The following DPP10 variants were observed in gnomAD, a reference collection of about 807,000 sequenced individuals.
The protein encoded by DPP10 is dipeptidyl peptidase like 10.
Under a neutral mutation model 120.9 loss-of-function variants are expected in DPP10, and 33 were observed. That is an observed-to-expected ratio of 0.27 (90% CI 0.21 to 0.37). DPP10 has a LOEUF of 0.37. Ranked by LOEUF, DPP10 falls within the 10% of genes least tolerant of loss-of-function variation. The pLI, the probability that DPP10 is intolerant of heterozygous loss-of-function variation, is 1.00. For missense variants in DPP10, 816 were observed against 942.8 expected (o/e 0.87, Z 1.76); for synonymous variants, 337 against 326.1 (o/e 1.03, Z -0.36).
At chr2:114,721,233 C>A (rs1476290133) in intron 1 of DPP10, among the ~76,000 whole-genome samples, 1 of 152,178 alleles carries the variant, frequency 6.6e-6, no homozygotes, top group Non-Finnish European at 1.5e-5. Flanking sequence ...CTGATGCCTG[C>A]CCTACTTACT....
intron 1 of DPP10, among the ~76,000 whole-genome samples, chr2:114,579,194 G>A (rs191098712): frequency 2.6e-5 from 4 of 152,288 alleles, no homozygotes; most frequent in Non-Finnish European, 5.9e-5. Flanking sequence ...ACTGGTTTCC[G>A]ATATGCAGTA....
chr2:115,460,061 T>C (rs2073898670), intron 3 of DPP10, among the ~76,000 whole-genome samples: 1 of 151,802 alleles, frequency 6.6e-6, no homozygotes, highest in Admixed American at 6.6e-5. Flanking sequence ...TCTCAGAACA[T>C]TGTAATAAAT....
intron 1 of DPP10, among the ~76,000 whole-genome samples, chr2:114,659,919 C>A (rs569290449): frequency 6.6e-6 from 1 of 152,294 alleles, no homozygotes; most frequent in African/African-American, 2.4e-5. Flanking sequence ...TGCCAGCAAC[C>A]ACCTGAAGCC....
chr2:114,672,834 ACT>A (rs1351153136), intron 1 of DPP10, among the ~76,000 whole-genome samples: 2 of 152,090 alleles, frequency 1.3e-5, no homozygotes, highest in African/African-American at 4.8e-5. Context: ...ACCAGTTCAC[ACT>A]CTCACGAGAG....
intron 1 of DPP10, among the ~76,000 whole-genome samples, chr2:114,453,384 C>T (rs1369705191): frequency 1.3e-5 from 2 of 152,092 alleles, no homozygotes; most frequent in Non-Finnish European, 2.9e-5. Flanking sequence ...AATCAATTTT[C>T]ATTGTGTTTT....
intron 1 of DPP10, among the ~76,000 whole-genome samples, chr2:115,298,863 C>T (rs2061001294): frequency 6.6e-6 from 1 of 152,010 alleles, no homozygotes; most frequent in Admixed American, 6.6e-5. Flanking sequence ...ACAGAAGTAA[C>T]CTACTAAGAA....
At chr2:114,792,698 C>A (rs1683356526) in intron 1 of DPP10, among the ~76,000 whole-genome samples, 1 of 152,144 alleles carries the variant, frequency 6.6e-6, no homozygotes, top group Non-Finnish European at 1.5e-5. Flanking sequence ...GCAGGGGTGC[C>A]TATGTGACCA....
At chr2:114,581,173 C>CTTTTT (rs70937291) in intron 1 of DPP10, among the ~76,000 whole-genome samples, 1 of 77,892 alleles carries the variant, frequency 1.3e-5, no homozygotes, top group African/African-American at 5.1e-5. Context: ...TTTTTCTTCT[C>CTTTTT]TTTTTTTTTT....
At chr2:114,818,077 G>A (rs1190688296) in intron 1 of DPP10, among the ~76,000 whole-genome samples, 4 of 152,034 alleles carry the variant, frequency 2.6e-5, no homozygotes, top group African/African-American at 9.7e-5. Flanking sequence ...AAACCATAGA[G>A]TAAAATTCAT....
chr2:115,222,959 A>C (rs953446173), intron 1 of DPP10, among the ~76,000 whole-genome samples: 1 of 152,158 alleles, frequency 6.6e-6, no homozygotes, highest in Non-Finnish European at 1.5e-5. Flanking sequence ...TTGGATAATC[A>C]ATGTAATGAA....
At chr2:115,130,761 T>C (rs1469734806) in intron 1 of DPP10, among the ~76,000 whole-genome samples, 1 of 152,154 alleles carries the variant, frequency 6.6e-6, no homozygotes, top group Non-Finnish European at 1.5e-5. Flanking sequence ...TCTATATTCC[T>C]TAGCTGGGCT....
At chr2:115,454,505 G>GA (rs1207118201) in intron 3 of DPP10, among the ~76,000 whole-genome samples, 1 of 151,184 alleles carries the variant, frequency 6.6e-6, no homozygotes, top group Non-Finnish European at 1.5e-5. Flanking sequence ...TCAATATACA[G>GA]AAAAAAATTG....
chr2:115,364,855 T>C (rs900604793), intron 3 of DPP10, among the ~76,000 whole-genome samples: 16 of 152,068 alleles, frequency 1.1e-4, no homozygotes, highest in African/African-American at 3.1e-4. Flanking sequence ...GACACAATTG[T>C]GAAGGTATAC....
chr2:114,700,928 A>G (rs1700349507), intron 1 of DPP10, among the ~76,000 whole-genome samples: 1 of 152,086 alleles, frequency 6.6e-6, no homozygotes, highest in South Asian at 2.1e-4. Flanking sequence ...GCTGTTGTTC[A>G]GTGAACACAC....
rs75891970 is a variant in DPP10, at chr2:114,885,104, T to C, written c.61-424135T>C. On this transcript the variant is annotated intron_variant, in intron 1 of 25. Coordinates refer to ENST00000410059, the MANE Select transcript of DPP10 (RefSeq NM_020868.6). ...CTCCAAAGAAATACTTGAGACCGGG[T>C]AATTTATAAGGAGAAGAGGTTTAAT... is the stretch of plus-strand genomic sequence containing the variant. 8.4e-3 allele frequency among the ~76,000 whole-genome samples: 1,281 copies of C among 152,252 alleles called. 20 individuals carry two copies. Among genetic ancestry groups the C allele is most frequent in the African/African-American group, 0.029 (1,224 of 41,530 alleles).
chr2:115,380,843 T>C (rs2066273719), intron 3 of DPP10, among the ~76,000 whole-genome samples: 1 of 152,194 alleles, frequency 6.6e-6, no homozygotes, highest in African/African-American at 2.4e-5. Flanking sequence ...AAATTCTGGG[T>C]TGAAAATTCT....
At position 115,364,323 on chromosome 2, in the gene DPP10, C is replaced by T. The variant is rs1183847999; in HGVS notation, c.271+20411C>T. ...CTTATTGTGTAAAGATCCTGTAACT[C>T]GCTAAATTAGCTTAAAAAGCTCTGG... On this transcript the variant is annotated intron_variant, in intron 3 of 25. Coordinates refer to ENST00000410059, the MANE Select transcript of DPP10 (RefSeq NM_020868.6). 3.3e-5 allele frequency among the ~76,000 whole-genome samples: 5 copies of T among 152,068 alleles called. No individual in the cohort carries two copies. In the East Asian group the frequency reaches 5.8e-4, roughly 18 times the overall value.
At chr2:115,535,750 G>C (rs1400195166) in intron 5 of DPP10, among the ~76,000 whole-genome samples, 1 of 151,668 alleles carries the variant, frequency 6.6e-6, no homozygotes, top group Non-Finnish European at 1.5e-5. Context: ...CATGAGCATG[G>C]AATGTTCTTC....
chr2:114,490,819 G>C (rs185596894), intron 1 of DPP10, among the ~76,000 whole-genome samples: 2 of 152,136 alleles, frequency 1.3e-5, no homozygotes, highest in Non-Finnish European at 2.9e-5. Context: ...CAGAAAACTT[G>C]TGTGAGAAGG....
Sources: gnomAD v4.1 joint callset for allele counts (sites outside exome capture counted in the v4.1 genomes callset) on GRCh38, gnomAD v4.1.1 for gene constraint, MANE v1.5 for transcripts, NCBI Gene and HGNC (gene_info 2026-07-23, HGNC 2026-07-21) for gene names.